XKR4: variants seen among roughly 807,000 people sequenced by gnomAD.
XKR4 encodes XK-related protein 4.
In XKR4, 12 loss-of-function variants were observed where a neutral mutation model predicts 53.9. The observed-to-expected ratio is 0.22, with a 90% CI of 0.14 to 0.36. XKR4 has a LOEUF of 0.36. XKR4 is among the 10% of genes least tolerant of loss of function. The pLI is 1.00. For missense variants in XKR4, 799 were observed against 859.5 expected, an observed-to-expected ratio of 0.93 and a Z score of 0.88; for synonymous variants, 354 against 362.4, an observed-to-expected ratio of 0.98 and a Z score of 0.26.
intron 2 of XKR4, among the ~76,000 whole-genome samples, chr8:55,505,398 T>A (rs1296301612): frequency 6.6e-6 from 1 of 151,882 alleles, no homozygotes; most frequent in Non-Finnish European, 1.5e-5. Flanking sequence ...TAAAATAAAA[T>A]AAAATAGCCA....
chr8:55,300,380 T>G (rs1483458414), intron 1 of XKR4, among the ~76,000 whole-genome samples: 1 of 152,138 alleles, frequency 6.6e-6, no homozygotes, highest in African/African-American at 2.4e-5. Context: ...TGGGAATGTT[T>G]GCGGCTTCAG....
chr8:55,106,302 A>G (rs1029150497), intron 1 of XKR4, among the ~76,000 whole-genome samples: 1 of 152,310 alleles, frequency 6.6e-6, no homozygotes, highest in Middle Eastern at 3.4e-3. Context: ...GTATTTATAC[A>G]TATGTTACAA....
At chr8:55,513,748 G>A (rs1042587927) in intron 2 of XKR4, among the ~76,000 whole-genome samples, 7 of 152,190 alleles carry the variant, frequency 4.6e-5, no homozygotes, top group African/African-American at 1.2e-4. Context: ...CACCACCTAT[G>A]CCCATACTGT....
At chr8:55,151,940 T>C (rs1816846025) in intron 1 of XKR4, among the ~76,000 whole-genome samples, 2 of 152,220 alleles carry the variant, frequency 1.3e-5, no homozygotes, top group African/African-American at 4.8e-5. Context: ...ATCTTGCAAG[T>C]ATTTCTTTCT....
chr8:55,199,502 A>G (rs557103584), intron 1 of XKR4, among the ~76,000 whole-genome samples: 1 of 152,216 alleles, frequency 6.6e-6, no homozygotes, highest in Non-Finnish European at 1.5e-5. Flanking sequence ...CATCTTTACC[A>G]CAGACCTATC....
At chr8:55,224,542 A>G (rs1817927074) in intron 1 of XKR4, among the ~76,000 whole-genome samples, 1 of 152,088 alleles carries the variant, frequency 6.6e-6, no homozygotes, top group African/African-American at 2.4e-5. Context: ...GAAGCTATAA[A>G]CTCCTTTAAA....
chr8:55,343,684 C>T (rs1009562328), intron 1 of XKR4, among the ~76,000 whole-genome samples: 5 of 152,168 alleles, frequency 3.3e-5, no homozygotes, highest in African/African-American at 1.2e-4. Flanking sequence ...CAAGAAAGTC[C>T]TCCTATTCAC....
intron 1 of XKR4, among the ~76,000 whole-genome samples, chr8:55,314,021 C>A (rs1413089667): frequency 6.6e-6 from 1 of 152,156 alleles, no homozygotes; most frequent in Non-Finnish European, 1.5e-5. Flanking sequence ...TATAAGCAAT[C>A]TCCAAATGTG....
At chr8:55,454,725 G>C (rs1805530822) in intron 2 of XKR4, 1 of 818,548 alleles carries the variant, frequency 1.2e-6, no homozygotes, top group South Asian at 1.4e-5. Flanking sequence ...GGCCGAGGCT[G>C]TTCCTGAACA....
At chr8:55,280,817 G>T (rs192444761) in intron 1 of XKR4, among the ~76,000 whole-genome samples, 5 of 152,228 alleles carry the variant, frequency 3.3e-5, no homozygotes, top group African/African-American at 1.2e-4. Flanking sequence ...AAGACTAAAT[G>T]CCCATTCTAT....
At chr8:55,420,972 G>T (rs1390914043) in intron 2 of XKR4, among the ~76,000 whole-genome samples, 1 of 152,198 alleles carries the variant, frequency 6.6e-6, no homozygotes, top group Non-Finnish European at 1.5e-5. Flanking sequence ...ATGTAAGGCA[G>T]TGGTAAATAG....
intron 1 of XKR4, among the ~76,000 whole-genome samples, chr8:55,305,416 AG>A (rs1237492909): frequency 6.6e-6 from 1 of 152,122 alleles, no homozygotes; most frequent in African/African-American, 2.4e-5. Context: ...GGTCACCGGA[AG>A]GCTACAGAGA....
At chr8:55,459,912 T>A (rs114801813) in intron 2 of XKR4, among the ~76,000 whole-genome samples, 1 of 151,998 alleles carries the variant, frequency 6.6e-6, no homozygotes, top group African/African-American at 2.4e-5. Context: ...GACCCACTAA[T>A]TCCATTCCCA....
Position 55,298,222 on chromosome 8 carries a change from T to C in XKR4, c.807-59456T>C, listed in dbSNP as rs142094161. On this transcript the variant is annotated intron_variant, in intron 1 of 2. Transcript: ENST00000327381. ...AATCCTAGAACTTCCTTTTTAACTTTCTTTTGTAAAATAATGTAAAAACTT... is the reference window on the plus strand; with the variant it reads ...AATCCTAGAACTTCCTTTTTAACTTCCTTTTGTAAAATAATGTAAAAACTT... Among the ~76,000 whole-genome samples, 338 of 152,304 alleles carry C rather than the reference T, an allele frequency of 2.2e-3. 1 individual carries two copies. The highest frequency in any genetic ancestry group is 7.8e-3 in the African/African-American group (323 of 41,574).
Position 55,372,547 on chromosome 8 carries a change from CTT to C in XKR4, c.1006+14685_1006+14686del, listed in dbSNP as rs199937774. On this transcript the variant is annotated intron_variant, in intron 2 of 2. Transcript: ENST00000327381. ...TTTACTATGGTACTTTCCCAGATAG[CTT>C]TTTTTTTTTTTTTTCTAGAAAGCCA... Among the ~76,000 whole-genome samples the C allele has an allele frequency of 1.8e-3, 251 of 139,392 alleles. 1 individual carries two copies. The highest frequency in any genetic ancestry group is 3.8e-3 in the Middle Eastern group (1 of 264). 91.4% of individuals were successfully genotyped at this position (139,392 alleles called of 152,430 possible).
intron 1 of XKR4, 43 bp from the exon 2 acceptor site, chr8:55,357,635 A>G (rs1216400872): frequency 6.9e-6 from 11 of 1,601,508 alleles, no homozygotes; most frequent in Admixed American, 1.7e-5. Context: ...ATTATAAACT[A>G]TCATCACTCA....
chr8:55,463,362 C>T (rs957884455), intron 2 of XKR4, among the ~76,000 whole-genome samples: 9 of 151,720 alleles, frequency 5.9e-5, no homozygotes, highest in Non-Finnish European at 1.3e-4. Flanking sequence ...GAACAACCTG[C>T]TCCTGAATGA....
At chr8:55,304,182 G>T (rs1295552198) in intron 1 of XKR4, among the ~76,000 whole-genome samples, 1 of 152,156 alleles carries the variant, frequency 6.6e-6, no homozygotes, top group Non-Finnish European at 1.5e-5. Context: ...GTGTCCCAGA[G>T]ATTCTGGTAT....
chr8:55,269,995 A>G (rs1373495826), intron 1 of XKR4, among the ~76,000 whole-genome samples: 1 of 152,228 alleles, frequency 6.6e-6, no homozygotes, highest in Non-Finnish European at 1.5e-5. Flanking sequence ...TTTTGGAGTC[A>G]TTGGCATTGC....
Sources: allele counts gnomAD v4.1 joint callset (sites outside exome capture counted in the v4.1 genomes callset), GRCh38; gene constraint gnomAD v4.1.1; transcripts MANE v1.5; gene names NCBI Gene and HGNC (gene_info 2026-07-23, HGNC 2026-07-21).